PDZRN4: variants seen among roughly 807,000 people sequenced by gnomAD.
PDZRN4 encodes the protein PDZ domain-containing RING finger protein 4.
In PDZRN4, 70 loss-of-function variants were observed where a neutral mutation model predicts 99.0. That is an observed-to-expected ratio of 0.71 (90% CI 0.58 to 0.86). The LOEUF (loss-of-function observed/expected upper bound fraction) is 0.86. PDZRN4 is among the 40% of genes least tolerant of loss of function. PDZRN4 has a pLI of 0.00. For synonymous variants in PDZRN4, 551 were observed against 501.6 expected (o/e 1.10, Z -1.32); for missense variants, 1,474 against 1,331.2 (o/e 1.11, Z -1.67).
intron 3 of PDZRN4, among the ~76,000 whole-genome samples, chr12:41,248,862 C>G (rs182803379): frequency 7.3e-5 from 11 of 151,530 alleles, no homozygotes; most frequent in Non-Finnish European, 1.3e-4. Context: ...TGTAATTATC[C>G]CCAGAGTAAT....
intron 3 of PDZRN4, chr12:41,412,561 TACTC>T (rs1952408242): frequency 6.6e-6 from 1 of 152,106 alleles, no homozygotes; most frequent in Non-Finnish European, 1.5e-5. Context: ...TATAGATAAA[TACTC>T]AGTAAACAAA....
intron 3 of PDZRN4, among the ~76,000 whole-genome samples, chr12:41,503,633 A>G (rs139658666): frequency 4.9e-4 from 74 of 152,282 alleles, no homozygotes; most frequent in African/African-American, 1.7e-3. Flanking sequence ...CTTTTTAAAA[A>G]TCTCTGTTGC....
rs553372019 is a variant in PDZRN4 at position 41,372,721 on chromosome 12, A to T, written c.844-133735A>T. 5.3e-5 allele frequency among the ~76,000 whole-genome samples: 8 copies of T among 152,280 alleles called. No homozygotes were observed. The East Asian group carries it at 1.5e-3, about 29-fold the overall frequency. ...GAGGTGTGATCACACTTAAGTCTAGAGAAGAGGCTAAATCATGAAAGATCT... is the reference window on the plus strand; with the variant it reads ...GAGGTGTGATCACACTTAAGTCTAGTGAAGAGGCTAAATCATGAAAGATCT... On this transcript the variant is annotated intron_variant, in intron 3 of 9. Coordinates refer to ENST00000402685, the MANE Select transcript of PDZRN4 (RefSeq NM_001164595.2).
chr12:41,262,970 T>C (rs1328517024), intron 3 of PDZRN4, among the ~76,000 whole-genome samples: 4 of 148,094 alleles, frequency 2.7e-5, no homozygotes, highest in African/African-American at 5.3e-5. Flanking sequence ...TGTATATATA[T>C]ATAAAATATA....
At chr12:41,493,506 CCT>C (rs1937929439) in intron 3 of PDZRN4, among the ~76,000 whole-genome samples, 1 of 151,814 alleles carries the variant, frequency 6.6e-6, no homozygotes, top group Non-Finnish European at 1.5e-5. Context: ...ACTTTTTTGC[CCT>C]GTCTTGTTTG....
intron 3 of PDZRN4, among the ~76,000 whole-genome samples, chr12:41,499,490 C>T (rs1050042820): frequency 6.6e-6 from 1 of 151,972 alleles, no homozygotes; most frequent in Non-Finnish European, 1.5e-5. Flanking sequence ...TAAATATGCA[C>T]TCTTCAAAGG....
intron 3 of PDZRN4, among the ~76,000 whole-genome samples, chr12:41,279,541 G>T (rs984824831): frequency 2.0e-5 from 3 of 152,022 alleles, no homozygotes; most frequent in African/African-American, 7.2e-5. Flanking sequence ...TTCTATTTTG[G>T]TTTTTCTAGG....
chr12:41,478,002 AG>A (rs1274651949), intron 3 of PDZRN4: 4 of 872,674 alleles, frequency 4.6e-6, no homozygotes, highest in African/African-American at 3.3e-5. Flanking sequence ...TATAGATAAG[AG>A]GACAAATGTG....
intron 9 of PDZRN4, among the ~76,000 whole-genome samples, chr12:41,570,777 T>C (rs562940918): frequency 1.8e-4 from 28 of 152,302 alleles, no homozygotes; most frequent in African/African-American, 6.3e-4. Flanking sequence ...AGCCTAGGGA[T>C]GCAGCAAGCT....
intron 3 of PDZRN4, among the ~76,000 whole-genome samples, chr12:41,366,836 C>T (rs879348304): frequency 2.6e-5 from 4 of 151,994 alleles, no homozygotes; most frequent in East Asian, 3.9e-4. Context: ...TAGGAAATTG[C>T]GAATTGCATT....
intron 3 of PDZRN4, among the ~76,000 whole-genome samples, chr12:41,471,039 C>T (rs1194045777): frequency 6.6e-6 from 1 of 152,200 alleles, no homozygotes; most frequent in African/African-American, 2.4e-5. Context: ...TGCAAATCCT[C>T]TACTTAGCAA....
chr12:41,277,146 C>A lies in PDZRN4; in HGVS notation c.843+82958C>A, dbSNP rs1951354490. ...AATCAGTTTCATAAATTCAGCAGAA[C>A]AATGAAAATGCAAAACAGACAAAAA... On this transcript the variant is annotated intron_variant, in intron 3 of 9. Transcript: ENST00000402685. Among the ~76,000 whole-genome samples, 6 of 152,092 alleles carry A rather than the reference C, an allele frequency of 3.9e-5. No homozygotes were observed. In the South Asian group the frequency reaches 1.2e-3, roughly 32 times the overall value.
intron 3 of PDZRN4, among the ~76,000 whole-genome samples, chr12:41,496,358 G>A (rs1005979962): frequency 6.6e-5 from 10 of 152,060 alleles, no homozygotes; most frequent in African/African-American, 1.7e-4. Context: ...GCACTGTGCC[G>A]GCTCCCCTAG....
intron 3 of PDZRN4, among the ~76,000 whole-genome samples, chr12:41,239,768 A>G (rs1327657152): frequency 6.6e-6 from 1 of 152,234 alleles, no homozygotes; most frequent in Non-Finnish European, 1.5e-5. Flanking sequence ...ACTGGGAAGC[A>G]TATATACCGG....
chr12:41,324,895 G>A lies in PDZRN4; in HGVS notation c.843+130707G>A, dbSNP rs534406397. On this transcript the variant is annotated intron_variant, in intron 3 of 9. Transcript: ENST00000402685. ...AAATATATTAGAATTAACTCCAACT[G>A]TTCCCTGCTACTTTTTAAAAAGGTA... 7.2e-5 allele frequency among the ~76,000 whole-genome samples: 11 copies of A among 152,192 alleles called. No homozygotes were observed. The East Asian group carries it at 2.1e-3, about 29-fold the overall frequency.
intron 3 of PDZRN4, among the ~76,000 whole-genome samples, chr12:41,243,578 A>C (rs996411620): frequency 6.6e-6 from 1 of 152,178 alleles, no homozygotes; most frequent in Non-Finnish European, 1.5e-5. Context: ...AAAGCCAGAT[A>C]GATCTATTGG....
chr12:41,571,335 GTCTCTCTCTCTCTC>G (rs752003607), intron 9 of PDZRN4, among the ~76,000 whole-genome samples: 60 of 101,276 alleles, frequency 5.9e-4, no homozygotes, highest in African/African-American at 1.8e-3. Flanking sequence ...AATTACCAGA[GTCTCTCTCTCTCTC>G]TCTCTCTCTC....
intron 3 of PDZRN4, among the ~76,000 whole-genome samples, chr12:41,334,164 G>A (rs992720849): frequency 1.3e-5 from 2 of 151,992 alleles, no homozygotes; most frequent in African/African-American, 4.8e-5. Context: ...TTGAATCTCT[G>A]AGCTCCTATA....
chr12:41,259,691 T>TA (rs758567961), intron 3 of PDZRN4, among the ~76,000 whole-genome samples: 2 of 152,162 alleles, frequency 1.3e-5, no homozygotes, highest in South Asian at 2.1e-4. Context: ...AATAAAATCT[T>TA]AAAAAAATAT....
Sources: gnomAD v4.1 joint callset for allele counts (sites outside exome capture counted in the v4.1 genomes callset) on GRCh38, gnomAD v4.1.1 for gene constraint, MANE v1.5 for transcripts, NCBI Gene and HGNC (gene_info 2026-07-23, HGNC 2026-07-21) for gene names.